The following CCDC149 variants were observed in gnomAD, a reference collection of about 807,000 sequenced individuals.
The protein encoded by CCDC149 is coiled-coil domain-containing protein 149.
Under a neutral mutation model 59.9 loss-of-function variants are expected in CCDC149, and 45 were observed. That is an observed-to-expected ratio of 0.75 (90% CI 0.59 to 0.96). The LOEUF (loss-of-function observed/expected upper bound fraction) is 0.96. CCDC149 is among the 40% of genes least tolerant of loss of function. The probability of loss-of-function intolerance (pLI) is 0.00; values close to 1 mark genes in which losing one functional copy is unlikely to be tolerated. For synonymous variants in CCDC149, 245 were observed against 260.6 expected, an observed-to-expected ratio of 0.94 and a Z score of 0.58; for missense variants, 584 against 664.7, an observed-to-expected ratio of 0.88 and a Z score of 1.33.
At chr4:24,905,537 G>C (rs138655084) in intron 1 of CCDC149, among the ~76,000 whole-genome samples, 194 of 152,016 alleles carry the variant, frequency 1.3e-3, no homozygotes, top group African/African-American at 4.4e-3. Context: ...CTGGGTTCAA[G>C]TGATTCTCCT....
intron 10 of CCDC149, 43 bp downstream of exon 10, chr4:24,822,453 AG>A (rs1715469019): frequency 4.7e-6 from 6 of 1,287,582 alleles, no homozygotes; most frequent in African/African-American, 1.5e-5. Context: ...CTTAAAAAAA[AG>A]AAAAAAAAAA....
intron 1 of CCDC149, among the ~76,000 whole-genome samples, chr4:24,940,910 C>A (rs1277816162): frequency 1.3e-5 from 2 of 152,142 alleles, no homozygotes; most frequent in African/African-American, 4.8e-5. Flanking sequence ...TCCTTAGTGA[C>A]CTACAAAGAG....
intron 3 of CCDC149, among the ~76,000 whole-genome samples, chr4:24,861,843 T>C (rs894224774): frequency 2.6e-5 from 4 of 152,100 alleles, no homozygotes; most frequent in Admixed American, 6.5e-5. Flanking sequence ...AATGGGAAGA[T>C]GGACATGAAG....
chr4:24,979,688 TC>T (rs1434991045), intron 1 of CCDC149, among the ~76,000 whole-genome samples: 2 of 152,186 alleles, frequency 1.3e-5, no homozygotes, highest in African/African-American at 4.8e-5. Context: ...ATCATTTCCT[TC>T]CTGAAACCAG....
rs1229822955 is a variant in CCDC149, at chr4:24,867,316, A to G, written c.264+6365T>C. ...GGTGACACAGTTTGCCCAGTCAGCA[A>G]GTGGAAAGGTTAAACTTGAATCCAT... is the stretch of plus-strand genomic sequence containing the variant. On this transcript the variant is annotated intron_variant, in intron 3 of 12. Coordinates refer to ENST00000635206, the MANE Select transcript of CCDC149 (RefSeq NM_001330643.2). Among the ~76,000 whole-genome samples, 3 of 152,248 alleles carry G rather than the reference A, an allele frequency of 2.0e-5. No homozygotes were observed. In the East Asian group the frequency reaches 5.8e-4, roughly 29 times the overall value.
intron 3 of CCDC149, among the ~76,000 whole-genome samples, chr4:24,870,172 A>C (rs915631879): frequency 6.6e-6 from 1 of 152,232 alleles, no homozygotes; most frequent in Admixed American, 6.5e-5. Context: ...ATTTAATATA[A>C]GCCTATCCCC....
At chr4:24,941,946 C>T (rs1272897171) in intron 1 of CCDC149, among the ~76,000 whole-genome samples, 1 of 152,204 alleles carries the variant, frequency 6.6e-6, no homozygotes, top group African/African-American at 2.4e-5. Flanking sequence ...GATGGATTCA[C>T]AGCCGAATTC....
At chr4:24,828,074 T>C (rs996474542) in intron 9 of CCDC149, 1 of 152,102 alleles carries the variant, frequency 6.6e-6, no homozygotes, top group Non-Finnish European at 1.5e-5. Context: ...GTAGTATAAT[T>C]AGTTTCTTTA....
chr4:24,864,797 T>C (rs1200994525), intron 3 of CCDC149, among the ~76,000 whole-genome samples: 3 of 152,170 alleles, frequency 2.0e-5, no homozygotes, highest in African/African-American at 7.2e-5. Context: ...ACCACACAGA[T>C]CCACTTATGT....
At chr4:24,809,319 G>T (rs975778978) in intron 12 of CCDC149, among the ~76,000 whole-genome samples, 2 of 152,208 alleles carry the variant, frequency 1.3e-5, no homozygotes, top group African/African-American at 4.8e-5. Flanking sequence ...CGGACACCTA[G>T]TGTTCCTCAA....
upstream of CCDC149, among the ~76,000 whole-genome samples, chr4:24,913,563 A>C (rs1722024004): frequency 6.6e-6 from 1 of 152,262 alleles, no homozygotes; most frequent in Non-Finnish European, 1.5e-5. Flanking sequence ...CAAATGTAAA[A>C]ATTGAAAATA....
chr4:24,893,648 ACT>A (rs1047315854), intron 1 of CCDC149, among the ~76,000 whole-genome samples: 6 of 87,738 alleles, frequency 6.8e-5, no homozygotes, highest in African/African-American at 2.6e-4. Context: ...ATGAAGTCTC[ACT>A]CTGTCAATCA....
At chr4:24,933,372 A>T (rs1722650275) in intron 1 of CCDC149, among the ~76,000 whole-genome samples, 1 of 152,182 alleles carries the variant, frequency 6.6e-6, no homozygotes, top group African/African-American at 2.4e-5. Flanking sequence ...TATTTTCTGG[A>T]TTTAAAAAAA....
At chr4:24,962,208 A>C (rs1041917090) in intron 1 of CCDC149, among the ~76,000 whole-genome samples, 4 of 152,214 alleles carry the variant, frequency 2.6e-5, no homozygotes, top group South Asian at 2.1e-4. Context: ...ACCCATGAAA[A>C]AATGCTCATC....
At chr4:24,911,329 A>G (rs1721857591) in intron 1 of CCDC149, among the ~76,000 whole-genome samples, 1 of 152,150 alleles carries the variant, frequency 6.6e-6, no homozygotes. Context: ...CTCCCAGACT[A>G]TATCATGAAA....
intron 1 of CCDC149, among the ~76,000 whole-genome samples, chr4:24,936,467 G>A (rs1242571940): frequency 6.6e-6 from 1 of 152,060 alleles, no homozygotes; most frequent in South Asian, 2.1e-4. Context: ...GGGATATAAT[G>A]TAATGTTTCA....
At chr4:24,906,506 A>G (rs1721543054) in intron 1 of CCDC149, among the ~76,000 whole-genome samples, 1 of 151,608 alleles carries the variant, frequency 6.6e-6, no homozygotes, top group African/African-American at 2.4e-5. Flanking sequence ...GGTTCAAGCA[A>G]TTCTGTCTCG....
intron 3 of CCDC149, among the ~76,000 whole-genome samples, chr4:24,870,039 G>C (rs1459689352): frequency 6.6e-6 from 1 of 152,230 alleles, no homozygotes; most frequent in Admixed American, 6.5e-5. Flanking sequence ...ACCAGACACA[G>C]AAGGAAGCTG....
At chr4:24,867,891 T>C (rs1190527582) in intron 3 of CCDC149, among the ~76,000 whole-genome samples, 1 of 152,216 alleles carries the variant, frequency 6.6e-6, no homozygotes, top group Non-Finnish European at 1.5e-5. Flanking sequence ...AAGTCACAGC[T>C]TCAAGGCCAG....
Sources: allele counts gnomAD v4.1 joint callset (sites outside exome capture counted in the v4.1 genomes callset), GRCh38; gene constraint gnomAD v4.1.1; transcripts MANE v1.5; gene names NCBI Gene and HGNC (gene_info 2026-07-23, HGNC 2026-07-21).